ZNF280C: variants seen among roughly 807,000 people sequenced by gnomAD.
ZNF280C encodes zinc finger protein 280C, also known as suppressor of hairy wing homolog 3.
ZNF280C carries 14 observed loss-of-function variants against 53.6 expected under a neutral mutation model. The ratio of observed to expected loss-of-function variants is 0.26; its 90% CI spans 0.17 to 0.41. The LOEUF is 0.41. Among genes scored for constraint, ZNF280C ranks in the 10% least tolerant of loss-of-function variants. The probability of loss-of-function intolerance (pLI) is 1.00; values close to 1 mark genes in which losing one functional copy is unlikely to be tolerated. For missense variants in ZNF280C, 416 were observed against 547.1 expected (o/e 0.76, Z 2.39); for synonymous variants, 203 against 181.1 (o/e 1.12, Z -0.97).
Position 130,246,875 on chromosome X carries a change from T to C in ZNF280C, c.162A>G (p.Ser54=), listed in dbSNP as rs1262042336. Reference sequence around the variant, plus strand: ...AATGCTTACTTGAAATGGCTGGTTTTGAACTTGATATCTCTCCAACAAAGA... The same window carrying C: ...AATGCTTACTTGAAATGGCTGGTTTCGAACTTGATATCTCTCCAACAAAGA... The part of the protein sequence containing the change: ...ELIFVGEISS[S]KPAISNILNR... The change falls in exon 3 of 19, where the codon TCA becomes TCG. Residue 54 remains serine, a synonymous_variant. Coordinates refer to ENST00000370978, the MANE Select transcript of ZNF280C (RefSeq NM_017666.5). The C allele has an allele frequency of 3.3e-6, 4 of 1,206,233 alleles. No individual in the cohort carries two copies. The highest frequency in any genetic ancestry group is 1.8e-5 in the South Asian group (1 of 55,267).
At chrX:130,243,207 G>A (rs192067731) in intron 5 of ZNF280C, among the ~76,000 whole-genome samples, 16 of 111,163 alleles carry the variant, frequency 1.4e-4, no homozygotes, top group Non-Finnish European at 2.1e-4. Flanking sequence ...TCTTGAATCA[G>A]GATCTCACCC....
intron 16 of ZNF280C, among the ~76,000 whole-genome samples, chrX:130,205,906 G>T (rs2037681874): frequency 9.2e-6 from 1 of 108,930 alleles, no homozygotes; most frequent in Non-Finnish European, 1.9e-5. Context: ...AAAAGAAAAT[G>T]GCATCGCCAT....
At chrX:130,243,450 C>G (rs1237443903) in intron 5 of ZNF280C, 113 bp downstream of exon 5, 26 of 888,080 alleles carry the variant, frequency 2.9e-5, no homozygotes, top group Non-Finnish European at 3.9e-5. Context: ...TCCCAAAGTA[C>G]CAAAGATTAC....
At chrX:130,227,053 G>A in intron 11 of ZNF280C, 148 bp from the exon 12 acceptor site, 6 of 453,821 alleles carry the variant, frequency 1.3e-5, no homozygotes, top group Non-Finnish European at 2.2e-5. Context: ...TCATATTACT[G>A]CAAGTAATAA....
chrX:130,241,578 A>C (rs1195635691), intron 5 of ZNF280C, among the ~76,000 whole-genome samples: 1 of 111,576 alleles, frequency 9.0e-6, no homozygotes, highest in East Asian at 2.8e-4. Flanking sequence ...TGGGCAACAC[A>C]GTGAGAGCCC....
intron 5 of ZNF280C, 97 bp downstream of exon 5, chrX:130,243,466 T>G: frequency 2.0e-6 from 2 of 977,371 alleles, no homozygotes; most frequent in Non-Finnish European, 2.8e-6. Flanking sequence ...ATTACAGGCG[T>G]GAGCCACTGT....
intron 13 of ZNF280C, among the ~76,000 whole-genome samples, chrX:130,216,968 C>G (rs184769711): frequency 2.9e-3 from 329 of 111,543 alleles, no homozygotes; most frequent in Admixed American, 5.8e-3. Context: ...CCACTGCACT[C>G]CAGCCTGGGC....
intron 18 of ZNF280C, 36 bp downstream of exon 18, chrX:130,205,081 T>C: frequency 2.6e-6 from 3 of 1,172,074 alleles, no homozygotes; most frequent in South Asian, 4.0e-5. Flanking sequence ...CTAAAGTCCA[T>C]CAAAGCAAAA....
At chrX:130,261,200 G>A (rs1266644477) in intron 1 of ZNF280C, among the ~76,000 whole-genome samples, 3 of 111,574 alleles carry the variant, frequency 2.7e-5, no homozygotes, top group Non-Finnish European at 5.7e-5. Context: ...ATCCGTCTAC[G>A]GTTCTTTGGG....
rs998285135 is a variant in ZNF280C, at chrX:130,268,778, C to G, written c.-33G>C. The G allele has an allele frequency of 2.7e-5, 3 of 111,760 alleles. No homozygotes were observed. Among genetic ancestry groups the G allele is most frequent in the African/African-American group, 9.7e-5 (3 of 30,776 alleles). 9.2% of individuals were successfully genotyped at this position (111,760 alleles called of 1,213,427 possible). ...GCCGCTTACCGAGAGCAGAGCAGAT[C>G]GGTCTGACTGGGGTTCGGATAAGGA... On this transcript the variant is annotated 5_prime_UTR_variant, in exon 1 of 19. Transcript: ENST00000370978.
At position 130,233,753 on chromosome X, in the gene ZNF280C, T is replaced by G. The variant is rs1035197555; in HGVS notation, c.771+2461A>C. ...GTGATGGTTATGTTTATGACACAAA[T>G]TGTAATGTTTTCATGGATGTATACT... On this transcript the variant is annotated intron_variant, in intron 8 of 18. Coordinates refer to ENST00000370978, the MANE Select transcript of ZNF280C (RefSeq NM_017666.5). Among the ~76,000 whole-genome samples the G allele has an allele frequency of 3.6e-5, 4 of 110,228 alleles. No individual in the cohort carries two copies. The East Asian group carries it at 1.1e-3, about 31-fold the overall frequency.
At position 130,226,733 on chromosome X, in the gene ZNF280C, A is replaced by C. The variant is rs189109016; in HGVS notation, c.1395+26T>G. The C allele has an allele frequency of 1.7e-4, 200 of 1,190,324 alleles. No homozygotes were observed. In the African/African-American group the frequency reaches 2.9e-3, roughly 17 times the overall value. On this transcript the variant is annotated intron_variant, in intron 12 of 18. Coordinates refer to ENST00000370978, the MANE Select transcript of ZNF280C (RefSeq NM_017666.5). ...TATATCTTTTCACTAAGACAACATG[A>C]ACAAATAAGAACTGCTTAATCTCAC... is the stretch of plus-strand genomic sequence containing the variant.
At chrX:130,238,861 G>T (rs1311896375) in intron 6 of ZNF280C, among the ~76,000 whole-genome samples, 2 of 111,306 alleles carry the variant, frequency 1.8e-5, no homozygotes, top group Admixed American at 1.9e-4. Flanking sequence ...CAAAAAAATT[G>T]TGTTCCTCTT....
chrX:130,249,536 A>G (rs1309918206), intron 2 of ZNF280C, among the ~76,000 whole-genome samples: 2 of 111,840 alleles, frequency 1.8e-5, no homozygotes, highest in African/African-American at 6.5e-5. Flanking sequence ...TAGAGCATGC[A>G]CTCCAGGAGT....
intron 8 of ZNF280C, 59 bp from the exon 9 acceptor site, chrX:130,230,786 A>G (rs2032269072): frequency 2.5e-6 from 2 of 793,424 alleles, no homozygotes; most frequent in Admixed American, 2.9e-5. Flanking sequence ...TAGATACCAA[A>G]AAATGATTGT....
chrX:130,260,769 T>C (rs892726264), intron 1 of ZNF280C, among the ~76,000 whole-genome samples: 3 of 112,091 alleles, frequency 2.7e-5, no homozygotes, highest in South Asian at 3.7e-4. Flanking sequence ...TTTTCCATAA[T>C]TGGTTCATTT....
chrX:130,246,777 T>C, intron 3 of ZNF280C, 82 bp downstream of exon 3: 1 of 1,080,887 alleles, frequency 9.3e-7, no homozygotes, highest in Non-Finnish European at 1.3e-6. Flanking sequence ...AGAACAACAG[T>C]ATGAAGGACA....
intron 1 of ZNF280C, among the ~76,000 whole-genome samples, chrX:130,263,998 C>T (rs1248002301): frequency 2.2e-5 from 2 of 91,098 alleles, no homozygotes; most frequent in African/African-American, 8.9e-5. Flanking sequence ...GCATTCCAGC[C>T]TGGGAGACAG....
At chrX:130,262,385 T>A (rs1452429677) in intron 1 of ZNF280C, among the ~76,000 whole-genome samples, 1 of 112,372 alleles carries the variant, frequency 8.9e-6, no homozygotes. Context: ...GGACGACACG[T>A]CAAAAGAATA....
Sources: allele counts gnomAD v4.1 joint callset (sites outside exome capture counted in the v4.1 genomes callset), GRCh38; gene constraint gnomAD v4.1.1; transcripts MANE v1.5; gene names NCBI Gene and HGNC (gene_info 2026-07-23, HGNC 2026-07-21).